Variants in NWD2 observed in about 807,000 individuals in gnomAD.
NWD2 encodes the protein NACHT and WD repeat domain-containing protein 2.
NWD2 carries 37 observed loss-of-function variants against 132.7 expected under a neutral mutation model. The ratio of observed to expected loss-of-function variants is 0.28; its 90% CI spans 0.21 to 0.37. The LOEUF is 0.37. Ranked by LOEUF, NWD2 falls within the 10% of genes least tolerant of loss-of-function variation. The probability of loss-of-function intolerance (pLI) is 1.00; values close to 1 mark genes in which losing one functional copy is unlikely to be tolerated. For missense variants in NWD2, 1,592 were observed against 2,122.4 expected, an observed-to-expected ratio of 0.75 and a Z score of 4.91; for synonymous variants, 705 against 803.0, an observed-to-expected ratio of 0.88 and a Z score of 2.06.
chr4:37,256,806 C>CA (rs749145036), intron 1 of NWD2, among the ~76,000 whole-genome samples: 1 of 151,928 alleles, frequency 6.6e-6, no homozygotes, highest in Non-Finnish European at 1.5e-5. Context: ...AGGTTTTACC[C>CA]AAAAAAGGAT....
At position 37,364,004 on chromosome 4, in the gene NWD2, T is replaced by C. The variant is rs1490011879; in HGVS notation, c.357+7522T>C. Among the ~76,000 whole-genome samples, 4 of 150,292 alleles carry C rather than the reference T, an allele frequency of 2.7e-5. No individual in the cohort carries two copies. The East Asian group carries it at 7.8e-4, about 29-fold the overall frequency. On this transcript the variant is annotated intron_variant, in intron 3 of 6. Transcript: ENST00000309447. ...AAAATTAGCTGGGAATGGTGGTGCA[T>C]GCCTGTAATCCCAGCTACTCGGGAG...
chr4:37,302,485 A>G (rs1386095518), intron 1 of NWD2, among the ~76,000 whole-genome samples: 1 of 152,026 alleles, frequency 6.6e-6, no homozygotes, highest in African/African-American at 2.4e-5. Context: ...CAGTAGTGGG[A>G]TTGCTGGATT....
intron 1 of NWD2, among the ~76,000 whole-genome samples, chr4:37,286,898 A>T (rs930473746): frequency 5.3e-5 from 8 of 152,160 alleles, no homozygotes; most frequent in Non-Finnish European, 1.0e-4. Context: ...GACTAGAAAC[A>T]GTGGCAATCA....
chr4:37,313,223 C>T (rs1465563903), intron 1 of NWD2, among the ~76,000 whole-genome samples: 1 of 150,978 alleles, frequency 6.6e-6, no homozygotes, highest in African/African-American at 2.5e-5. Flanking sequence ...CTCCTTGTAC[C>T]TCTGGTAGAA....
At chr4:37,269,774 T>A (rs982583802) in intron 1 of NWD2, among the ~76,000 whole-genome samples, 3 of 151,854 alleles carry the variant, frequency 2.0e-5, no homozygotes, top group African/African-American at 7.2e-5. Context: ...TGATGGACAT[T>A]TAGGTTGTTT....
intron 3 of NWD2, among the ~76,000 whole-genome samples, chr4:37,386,742 G>A (rs13110623): frequency 0.094 from 14,327 of 152,060 alleles, 746 homozygotes; most frequent in Middle Eastern, 0.21. Context: ...AATATTGAAG[G>A]TGGGACCTAG....
At chr4:37,362,791 A>G (rs949365825) in intron 3 of NWD2, among the ~76,000 whole-genome samples, 1 of 152,222 alleles carries the variant, frequency 6.6e-6, no homozygotes, top group African/African-American at 2.4e-5. Flanking sequence ...CAACTGCAGC[A>G]AAAACAAAAA....
chr4:37,371,082 T>TC (rs1287252433), intron 3 of NWD2, among the ~76,000 whole-genome samples: 9 of 142,050 alleles, frequency 6.3e-5, no homozygotes, highest in African/African-American at 2.3e-4. Flanking sequence ...CTTTTTCTTT[T>TC]TTTTTTTTTT....
At chr4:37,343,260 T>C (rs1165846429) in intron 2 of NWD2, among the ~76,000 whole-genome samples, 2 of 152,240 alleles carry the variant, frequency 1.3e-5, no homozygotes, top group Non-Finnish European at 2.9e-5. Flanking sequence ...ATGAGTGCTA[T>C]CTTCACCACT....
chr4:37,314,224 A>T (rs775594057), intron 1 of NWD2, among the ~76,000 whole-genome samples: 46 of 152,306 alleles, frequency 3.0e-4, no homozygotes, highest in Non-Finnish European at 4.3e-4. Context: ...ATCTATATTC[A>T]TGATGGATAT....
chr4:37,245,616 C>A (rs1283234307), intron 1 of NWD2, among the ~76,000 whole-genome samples: 1 of 151,958 alleles, frequency 6.6e-6, no homozygotes, highest in African/African-American at 2.4e-5. Flanking sequence ...GCTCTCCTCC[C>A]CGAGGCGGGT....
chr4:37,363,470 A>G (rs929846085), intron 3 of NWD2, among the ~76,000 whole-genome samples: 1 of 152,234 alleles, frequency 6.6e-6, no homozygotes, highest in African/African-American at 2.4e-5. Flanking sequence ...AAAGCAAGAA[A>G]TTATGTTCTT....
chr4:37,423,409 G>T (rs528813406), intron 3 of NWD2, among the ~76,000 whole-genome samples: 1 of 152,082 alleles, frequency 6.6e-6, no homozygotes, highest in East Asian at 1.9e-4. Context: ...GCATTGGCTC[G>T]TGCAACTATG....
intron 3 of NWD2, among the ~76,000 whole-genome samples, chr4:37,401,121 C>T (rs917334259): frequency 3.9e-5 from 6 of 152,168 alleles, no homozygotes; most frequent in Non-Finnish European, 8.8e-5. Context: ...TCTCCTAGAA[C>T]AGCTTGTAAT....
chr4:37,418,059 T>C (rs1241984755), intron 3 of NWD2, among the ~76,000 whole-genome samples: 1 of 152,114 alleles, frequency 6.6e-6, no homozygotes, highest in African/African-American at 2.4e-5. Context: ...TCTAATAATA[T>C]TCTCTAATAA....
chr4:37,343,605 T>C (rs1384421092), intron 2 of NWD2, among the ~76,000 whole-genome samples: 1 of 152,232 alleles, frequency 6.6e-6, no homozygotes, highest in African/African-American at 2.4e-5. Flanking sequence ...CAGTGCTGAA[T>C]TTGTTTTCAA....
intron 3 of NWD2, among the ~76,000 whole-genome samples, chr4:37,360,386 T>G (rs1560403891): frequency 6.6e-6 from 1 of 152,212 alleles, no homozygotes; most frequent in Non-Finnish European, 1.5e-5. Flanking sequence ...TATCAAGGCT[T>G]CATTCAGTCA....
intron 2 of NWD2, 131 bp from the exon 3 acceptor site, chr4:37,356,234 CT>C (rs1719869196): frequency 2.1e-6 from 1 of 487,670 alleles, no homozygotes; most frequent in Non-Finnish European, 3.6e-6. Context: ...CTAAATGGAT[CT>C]TAAAAATCAC....
chr4:37,381,228 G>C (rs1315386648), intron 3 of NWD2, among the ~76,000 whole-genome samples: 1 of 152,144 alleles, frequency 6.6e-6, no homozygotes, highest in African/African-American at 2.4e-5. Context: ...GAGGTAGAGA[G>C]GGCCGAGTCA....
Sources: gnomAD v4.1 joint callset for allele counts (sites outside exome capture counted in the v4.1 genomes callset) on GRCh38, gnomAD v4.1.1 for gene constraint, MANE v1.5 for transcripts, NCBI Gene and HGNC (gene_info 2026-07-23, HGNC 2026-07-21) for gene names.